RPS27L: variants seen among roughly 807,000 people sequenced by gnomAD.
The protein encoded by RPS27L is ribosomal protein S27 like.
RPS27L carries 10 observed loss-of-function variants against 12.8 expected under a neutral mutation model. That is an observed-to-expected ratio of 0.78 (90% confidence interval 0.48 to 1.33). The LOEUF (loss-of-function observed/expected upper bound fraction) is 1.33, where lower values mean the gene tolerates loss of function less well. Ranked by LOEUF, RPS27L falls within the 40% of genes most tolerant of loss-of-function variation. The pLI is 0.00. For synonymous variants in RPS27L, 26 were observed against 32.3 expected (o/e 0.81, Z 0.66); for missense variants, 81 against 97.4 (o/e 0.83, Z 0.71).
At chr15:63,157,231 G>A (rs1333837517) in intron 1 of RPS27L, 169 bp downstream of exon 1, 3 of 742,662 alleles carry the variant, frequency 4.0e-6, no homozygotes, top group Non-Finnish European at 7.0e-6. Flanking sequence ...GCGCCGCGGT[G>A]ACCGGGCAAG....
intron 1 of RPS27L, 91 bp downstream of exon 1, chr15:63,157,309 C>T: frequency 2.8e-6 from 4 of 1,410,732 alleles, no homozygotes; most frequent in Non-Finnish European, 4.0e-6. Flanking sequence ...TCGGACACTA[C>T]AGGCCCGAGA....
intron 3 of RPS27L, chr15:63,154,336 G>C (rs1325499514): frequency 2.7e-6 from 1 of 370,752 alleles, no homozygotes; most frequent in East Asian, 4.5e-5. Context: ...AGTGAAGACT[G>C]TTTCAAGCAA....
At position 63,148,699 on chromosome 15, in the gene RPS27L, G is replaced by A. The variant is rs1481485200; in HGVS notation, c.*5333C>T. Reference sequence around the variant, plus strand: ...GAAGTTTTGCTAGGTGTGAAAGTGAGAGTAGCCCTAGTAGTGTAGGGGGAA... The same window carrying A: ...GAAGTTTTGCTAGGTGTGAAAGTGAAAGTAGCCCTAGTAGTGTAGGGGGAA... On this transcript the variant is annotated 3_prime_UTR_variant, in exon 4 of 4. Coordinates refer to ENST00000330964, the MANE Select transcript of RPS27L (RefSeq NM_015920.4). 6.6e-6 allele frequency: 1 copy of A among 152,134 alleles called. No individual in the cohort carries two copies. Among genetic ancestry groups the A allele is most frequent in the Non-Finnish European group, 1.5e-5 (1 of 68,030 alleles). 9.4% of individuals were successfully genotyped at this position (152,134 alleles called of 1,614,324 possible).
Position 63,155,733 on chromosome 15 carries a change from T to TAAA in RPS27L, c.116-5_116-3dup. 31 of 1,212,266 alleles carry TAAA rather than the reference T, an allele frequency of 2.6e-5. No individual in the cohort carries two copies. Among genetic ancestry groups the TAAA allele is most frequent in the Middle Eastern group, 3.1e-4 (1 of 3,246 alleles). The allele number at this position is 1,212,266 out of a possible 1,614,324, so 75.1% of individuals were successfully genotyped here. A position where few individuals can be genotyped will look rare whatever the true frequency, so the allele number is the denominator to read the frequency against. The stretch of plus-strand genomic sequence containing the variant: ...AAACCGTGGTGATCTTGTAGCAACC[T>TAAA]AAAAAAAAAAAAAGGCAATGTTAAA... On this transcript the variant is annotated splice_polypyrimidine_tract_variant and splice_region_variant and intron_variant, in intron 2 of 3. Transcript: ENST00000330964.
rs1273087722 is a variant in RPS27L, at chr15:63,149,155, CT to C, written c.*4876del. 6.6e-6 allele frequency: 1 copy of C among 152,108 alleles called. No individual in the cohort carries two copies. Among genetic ancestry groups the C allele is most frequent in the African/African-American group, 2.4e-5 (1 of 41,418 alleles). The allele number at this position is 152,108 out of a possible 1,614,324, so 9.4% of individuals were successfully genotyped here. On this transcript the variant is annotated 3_prime_UTR_variant, in exon 4 of 4. Coordinates refer to ENST00000330964, the MANE Select transcript of RPS27L (RefSeq NM_015920.4). The stretch of plus-strand genomic sequence containing the variant: ...AGGCGTGAGCCACCGCGCCCGGCCC[CT>C]GATGTCATTTTCTATGCCTATAGTT...
intron 1 of RPS27L, chr15:63,156,997 C>T (rs1050489688): frequency 2.5e-5 from 9 of 355,678 alleles, no homozygotes; most frequent in Non-Finnish European, 4.6e-5. Flanking sequence ...ATATATAAGG[C>T]AACAACGAGG....
chr15:63,155,412 C>G (rs2037325682), intron 3 of RPS27L: 2 of 412,756 alleles, frequency 4.8e-6, no homozygotes, highest in Non-Finnish European at 8.6e-6. Context: ...TAAATGTGTT[C>G]TAAACTAAGA....
rs2037302329 is a variant in RPS27L at position 63,151,951 on chromosome 15, C to A, written c.*2081G>T. The stretch of plus-strand genomic sequence containing the variant: ...GAAACTGTATGGAGCCCAAAAGGCA[C>A]ACACATTCCATTAGTAACTGTGATG... On this transcript the variant is annotated 3_prime_UTR_variant, in exon 4 of 4. Coordinates refer to ENST00000330964, the MANE Select transcript of RPS27L (RefSeq NM_015920.4). 6.6e-6 allele frequency: 1 copy of A among 152,196 alleles called. No homozygotes were observed. 9.4% of individuals were successfully genotyped at this position (152,196 alleles called of 1,614,324 possible). A position where few individuals can be genotyped will look rare whatever the true frequency, so the allele number is the denominator to read the frequency against.
Position 63,153,144 on chromosome 15 carries a change from G to C in RPS27L, c.*888C>G, listed in dbSNP as rs1228696215. 1.3e-5 allele frequency: 2 copies of C among 152,174 alleles called. No homozygotes were observed. Among genetic ancestry groups the C allele is most frequent in the African/African-American group, 4.8e-5 (2 of 41,430 alleles). 9.4% of individuals were successfully genotyped at this position (152,174 alleles called of 1,614,324 possible). A position where few individuals can be genotyped will look rare whatever the true frequency, so the allele number is the denominator to read the frequency against. On this transcript the variant is annotated 3_prime_UTR_variant, in exon 4 of 4. Coordinates refer to ENST00000330964, the MANE Select transcript of RPS27L (RefSeq NM_015920.4). ...GGAGTGCTCACCTATCTGGGCCAGA[G>C]AATTCAACACCATCTACTATCCCCA...
Position 63,150,390 on chromosome 15 carries a change from GTTTC to G in RPS27L, c.*3638_*3641del, listed in dbSNP as rs1217617253. On this transcript the variant is annotated 3_prime_UTR_variant, in exon 4 of 4. Transcript: ENST00000330964. ...GGGAGTGAATGCTGATAGGTATGAAGTTTCTTTCTAAGGTGATGAAAATGGTCTG... is the reference window on the plus strand; with the variant it reads ...GGGAGTGAATGCTGATAGGTATGAAGTTTCTAAGGTGATGAAAATGGTCTG... 29 of 152,326 alleles carry G rather than the reference GTTTC, an allele frequency of 1.9e-4. No homozygotes were observed. The highest frequency in any genetic ancestry group is 6.5e-4 in the African/African-American group (27 of 41,574). The allele number at this position is 152,326 out of a possible 1,614,324, so 9.4% of individuals were successfully genotyped here.
At chr15:63,156,779 T>C in intron 1 of RPS27L, 1 of 587,324 alleles carries the variant, frequency 1.7e-6, no homozygotes, top group East Asian at 2.9e-5. Context: ...TGTCCTTCTT[T>C]ACTCAACTGC....
intron 2 of RPS27L, 52 bp downstream of exon 2, chr15:63,156,361 C>T (rs891963382): frequency 3.2e-6 from 3 of 924,618 alleles, no homozygotes; most frequent in Non-Finnish European, 5.1e-6. Context: ...ACCACACTAG[C>T]AATCCCTACA....
rs1299592615 is a variant in RPS27L at position 63,150,000 on chromosome 15, G to A, written c.*4032C>T. 3.3e-5 allele frequency: 5 copies of A among 152,192 alleles called. No homozygotes were observed. Among genetic ancestry groups the A allele is most frequent in the African/African-American group, 1.2e-4 (5 of 41,412 alleles). The allele number at this position is 152,192 out of a possible 1,614,324, so 9.4% of individuals were successfully genotyped here. A position where few individuals can be genotyped will look rare whatever the true frequency, so the allele number is the denominator to read the frequency against. On this transcript the variant is annotated 3_prime_UTR_variant, in exon 4 of 4. Coordinates refer to ENST00000330964, the MANE Select transcript of RPS27L (RefSeq NM_015920.4). ...GAGGCCAGAGGGTCACTCAAGCCTG[G>A]GAGGTGGAGGAGGTTGCAGTGAGCT...
rs1334558638 is a variant in RPS27L, at chr15:63,153,931, G to GT, written c.*100dup. On this transcript the variant is annotated 3_prime_UTR_variant, in exon 4 of 4. Transcript: ENST00000330964. The stretch of plus-strand genomic sequence containing the variant: ...TGCTGTATACCTTACAAAACCAAAT[G>GT]TAATTACATTATCTTGGTAAATTAA... 1 of 1,046,590 alleles carries GT rather than the reference G, an allele frequency of 9.6e-7. No individual in the cohort carries two copies. The highest frequency in any genetic ancestry group is 1.5e-6 in the Non-Finnish European group (1 of 679,036). 64.8% of individuals were successfully genotyped at this position (1,046,590 alleles called of 1,614,324 possible). A position where few individuals can be genotyped will look rare whatever the true frequency, so the allele number is the denominator to read the frequency against.
chr15:63,155,783 C>A (rs773388258), intron 2 of RPS27L, 52 bp from the exon 3 acceptor site: 1 of 1,087,024 alleles, frequency 9.2e-7, no homozygotes, highest in South Asian at 2.3e-5. Context: ...GAAAACAGCA[C>A]CTGTTCGACA....
chr15:63,156,696 A>G (rs938974352), intron 1 of RPS27L, 175 bp from the exon 2 acceptor site: 6 of 648,686 alleles, frequency 9.2e-6, no homozygotes, highest in African/African-American at 7.4e-5. Context: ...AGTACTTTTC[A>G]TAATACTTGT....
rs892205481 is a variant in RPS27L, at chr15:63,150,529, A to T, written c.*3503T>A. 1.3e-5 allele frequency: 2 copies of T among 152,262 alleles called. No individual in the cohort carries two copies. The highest frequency in any genetic ancestry group is 2.1e-4 in the South Asian group (1 of 4,830). 9.4% of individuals were successfully genotyped at this position (152,262 alleles called of 1,614,324 possible). A position where few individuals can be genotyped will look rare whatever the true frequency, so the allele number is the denominator to read the frequency against. On this transcript the variant is annotated 3_prime_UTR_variant, in exon 4 of 4. Transcript: ENST00000330964. ...AGTATCTGAATCATATCTCCAGAAAAATAAAACAGAAAGGAATTAGAGCTT... is the reference window on the plus strand; with the variant it reads ...AGTATCTGAATCATATCTCCAGAAATATAAAACAGAAAGGAATTAGAGCTT...
Position 63,153,731 on chromosome 15 carries a change from A to T in RPS27L, c.*301T>A. Reference sequence around the variant, plus strand: ...CAGAGCAGGACTCTCTCTCTCAAAAAAAAAAAAAAAGACACAAACTAATCA... The same window carrying T: ...CAGAGCAGGACTCTCTCTCTCAAAATAAAAAAAAAAGACACAAACTAATCA... On this transcript the variant is annotated 3_prime_UTR_variant, in exon 4 of 4. Coordinates refer to ENST00000330964, the MANE Select transcript of RPS27L (RefSeq NM_015920.4). 1 of 278,598 alleles carries T rather than the reference A, an allele frequency of 3.6e-6. No homozygotes were observed. Among genetic ancestry groups the T allele is most frequent in the Non-Finnish European group, 6.5e-6 (1 of 153,510 alleles). The allele number at this position is 278,598 out of a possible 1,614,324, so 17.3% of individuals were successfully genotyped here.
intron 1 of RPS27L, chr15:63,156,849 C>T (rs1298080510): frequency 3.9e-6 from 2 of 509,370 alleles, no homozygotes; most frequent in African/African-American, 4.0e-5. Context: ...AAGAAAGTGA[C>T]CCCGACTGTG....
Sources: allele counts gnomAD v4.1 joint callset, GRCh38; gene constraint gnomAD v4.1.1; transcripts MANE v1.5; gene names NCBI Gene and HGNC (gene_info 2026-07-23, HGNC 2026-07-21).